Variants in GALNTL6 observed in about 807,000 individuals in gnomAD.
GALNTL6 encodes polypeptide N-acetylgalactosaminyltransferase-like 6.
GALNTL6 carries 46 observed loss-of-function variants against 73.7 expected under a neutral mutation model. That is an observed-to-expected ratio of 0.62 (90% CI 0.49 to 0.80). The LOEUF (loss-of-function observed/expected upper bound fraction) is 0.80. GALNTL6 is among the 30% of genes least tolerant of loss of function. The pLI is 0.00. For missense variants in GALNTL6, 604 were observed against 755.0 expected (o/e 0.80, Z 2.34); for synonymous variants, 259 against 263.7 (o/e 0.98, Z 0.17).
intron 5 of GALNTL6, among the ~76,000 whole-genome samples, chr4:172,797,424 T>A (rs1740337189): frequency 6.6e-6 from 1 of 152,112 alleles, no homozygotes; most frequent in South Asian, 2.1e-4. Flanking sequence ...TTTTGTATTT[T>A]AGTAGAGACA....
intron 5 of GALNTL6, among the ~76,000 whole-genome samples, chr4:172,515,252 G>A (rs568318570): frequency 2.0e-5 from 3 of 152,194 alleles, no homozygotes; most frequent in Non-Finnish European, 4.4e-5. Flanking sequence ...TTCAAAAATG[G>A]TTCATGTAGG....
chr4:172,797,481 G>A (rs1032558008), intron 5 of GALNTL6, among the ~76,000 whole-genome samples: 5 of 152,084 alleles, frequency 3.3e-5, no homozygotes, highest in Admixed American at 2.6e-4. Flanking sequence ...CTGAGCTCAG[G>A]CCATCCGCCC....
chr4:172,378,087 G>A (rs1369175017), intron 5 of GALNTL6, among the ~76,000 whole-genome samples: 1 of 152,194 alleles, frequency 6.6e-6, no homozygotes, highest in African/African-American at 2.4e-5. Context: ...CCAGCACGTT[G>A]TCACCTCTCA....
intron 10 of GALNTL6, among the ~76,000 whole-genome samples, chr4:172,981,045 CT>C (rs888968181): frequency 4.8e-4 from 73 of 152,186 alleles, no homozygotes; most frequent in African/African-American, 1.6e-3. Flanking sequence ...CTTTTTAAGG[CT>C]GAATAATACT....
intron 2 of GALNTL6, among the ~76,000 whole-genome samples, chr4:171,816,885 C>T (rs1372359210): frequency 6.6e-6 from 1 of 151,672 alleles, no homozygotes; most frequent in Non-Finnish European, 1.5e-5. Context: ...GATATTGGAA[C>T]AAATAAAAAG....
intron 8 of GALNTL6, among the ~76,000 whole-genome samples, chr4:172,910,972 G>T (rs1024933569): frequency 1.3e-5 from 2 of 152,212 alleles, no homozygotes; most frequent in African/African-American, 4.8e-5. Flanking sequence ...GAAAGGGGTT[G>T]TTTCTGGGCC....
At chr4:172,259,247 A>G (rs1738176424) in intron 3 of GALNTL6, among the ~76,000 whole-genome samples, 1 of 151,230 alleles carries the variant, frequency 6.6e-6, no homozygotes, top group Non-Finnish European at 1.5e-5. Flanking sequence ...TTCTCTTTTC[A>G]CCACATCCAT....
intron 5 of GALNTL6, among the ~76,000 whole-genome samples, chr4:172,784,763 A>G (rs946860099): frequency 6.6e-6 from 1 of 152,210 alleles, no homozygotes; most frequent in Non-Finnish European, 1.5e-5. Flanking sequence ...GTACTGATTC[A>G]CAATTTAGAT....
At chr4:172,370,414 A>G (rs552865430) in intron 5 of GALNTL6, among the ~76,000 whole-genome samples, 1 of 152,156 alleles carries the variant, frequency 6.6e-6, no homozygotes, top group Non-Finnish European at 1.5e-5. Flanking sequence ...AAAGGAGGTC[A>G]GGAGATTGAG....
At chr4:172,166,073 T>A (rs1023555724) in intron 2 of GALNTL6, among the ~76,000 whole-genome samples, 5 of 152,236 alleles carry the variant, frequency 3.3e-5, no homozygotes, top group Non-Finnish European at 7.3e-5. Flanking sequence ...TACATTTTCC[T>A]TATAAATGCA....
At chr4:172,311,864 A>G (rs1740376646) in intron 4 of GALNTL6, 112 bp downstream of exon 4, 1 of 720,390 alleles carries the variant, frequency 1.4e-6, no homozygotes, top group Admixed American at 3.0e-5. Context: ...TTTTATCCTA[A>G]TAATTTTGAT....
chr4:172,526,645 G>C (rs887443734), intron 5 of GALNTL6, among the ~76,000 whole-genome samples: 3 of 152,074 alleles, frequency 2.0e-5, no homozygotes, highest in African/African-American at 7.2e-5. Context: ...AACTCCACAC[G>C]ATCATATGGT....
chr4:172,910,160 G>C (rs1342921332), intron 8 of GALNTL6, among the ~76,000 whole-genome samples: 1 of 151,966 alleles, frequency 6.6e-6, no homozygotes, highest in Non-Finnish European at 1.5e-5. Context: ...TTCATATGCA[G>C]ACAATATTCA....
At chr4:172,778,751 C>A (rs1295134408) in intron 5 of GALNTL6, among the ~76,000 whole-genome samples, 2 of 152,130 alleles carry the variant, frequency 1.3e-5, no homozygotes, top group African/African-American at 4.8e-5. Flanking sequence ...TGCAGGATTG[C>A]AAAACAGAAC....
intron 2 of GALNTL6, among the ~76,000 whole-genome samples, chr4:172,161,818 G>T (rs1473106108): frequency 3.3e-5 from 5 of 152,012 alleles, no homozygotes; most frequent in Non-Finnish European, 5.9e-5. Context: ...AGAGTGCTAT[G>T]CTTGACTTTG....
chr4:172,233,846 A>C (rs1196718233), intron 3 of GALNTL6, among the ~76,000 whole-genome samples: 1 of 152,068 alleles, frequency 6.6e-6, no homozygotes, highest in African/African-American at 2.4e-5. Context: ...TATTTAGCCT[A>C]TGGATAAATT....
intron 2 of GALNTL6, among the ~76,000 whole-genome samples, chr4:172,224,957 C>G (rs2110956509): frequency 6.6e-6 from 1 of 152,070 alleles, no homozygotes; most frequent in African/African-American, 2.4e-5. Flanking sequence ...TCGTCTGTCC[C>G]TGATATTTTT....
intron 5 of GALNTL6, among the ~76,000 whole-genome samples, chr4:172,758,537 A>G (rs1054112969): frequency 2.6e-5 from 4 of 152,226 alleles, no homozygotes; most frequent in Non-Finnish European, 5.9e-5. Context: ...CTGTGTCTCT[A>G]AAAACAAAAG....
intron 5 of GALNTL6, among the ~76,000 whole-genome samples, chr4:172,741,520 T>G (rs1024087077): frequency 6.6e-6 from 1 of 152,112 alleles, no homozygotes; most frequent in Non-Finnish European, 1.5e-5. Flanking sequence ...ACACATATAA[T>G]GTACTTTACA....
Sources: gnomAD v4.1 joint callset for allele counts (sites outside exome capture counted in the v4.1 genomes callset) on GRCh38, gnomAD v4.1.1 for gene constraint, MANE v1.5 for transcripts, NCBI Gene and HGNC (gene_info 2026-07-23, HGNC 2026-07-21) for gene names.